TRPV2: variants seen among roughly 807,000 people sequenced by gnomAD.
TRPV2 encodes OTRPC2.
Under a neutral mutation model 91.0 loss-of-function variants are expected in TRPV2, and 58 were observed. The ratio of observed to expected loss-of-function variants is 0.64; its 90% CI spans 0.52 to 0.79. TRPV2 has a LOEUF of 0.79. Ranked by LOEUF, TRPV2 falls within the 30% of genes least tolerant of loss-of-function variation. The pLI, the probability that TRPV2 is intolerant of heterozygous loss-of-function variation, is 0.00. For synonymous variants in TRPV2, 417 were observed against 414.8 expected, an observed-to-expected ratio of 1.01 and a Z score of -0.06; for missense variants, 807 against 969.6, an observed-to-expected ratio of 0.83 and a Z score of 2.23.
At position 16,435,729 on chromosome 17, in the gene TRPV2, C is replaced by A. The variant is rs9915995; in HGVS notation, c.2194+760C>A. 6.6e-6 allele frequency among the ~76,000 whole-genome samples: 1 copy of A among 152,172 alleles called. No individual in the cohort carries two copies. The highest frequency in any genetic ancestry group is 1.5e-5 in the Non-Finnish European group (1 of 68,022). On this transcript the variant is annotated intron_variant, in intron 14 of 14. Coordinates refer to ENST00000338560, the MANE Select transcript of TRPV2 (RefSeq NM_016113.5). This position sits in a 1 kb window ranked among gnomAD's most constrained non-coding sequence, Gnocchi z 4.2. ...TCACTTGCTTGTGCCTGTTGCCCCC[C>A]ACAATAGCCTCCTGAGTCTCCCATG...
chr17:16,427,281 T>A (rs1600976979), intron 7 of TRPV2, among the ~76,000 whole-genome samples, 168 bp from the exon 8 acceptor site: 1 of 152,078 alleles, frequency 6.6e-6, no homozygotes, highest in Admixed American at 6.5e-5. Flanking sequence ...TGCTACACAA[T>A]GTGCCTCTCA....
intron 12 of TRPV2, 60 bp from the exon 13 acceptor site, chr17:16,433,514 G>A (rs7213055): frequency 0.36 from 573,264 of 1,593,506 alleles, 105,344 homozygotes; most frequent in Non-Finnish European, 0.37. Flanking sequence ...CTTGCCTTGT[G>A]TGCCTTTGCC....
At chr17:16,432,439 CT>C (rs5819571) in intron 12 of TRPV2, 139 bp downstream of exon 12, 12,144 of 531,994 alleles carry the variant, frequency 0.023, 44 homozygotes, top group African/African-American at 0.058. Context: ...CTTCCTCTTC[CT>C]TTTTTTTTTT....
chr17:16,431,277 A>ATATATATATATG (rs1555883010), intron 10 of TRPV2, among the ~76,000 whole-genome samples: 4 of 75,748 alleles, frequency 5.3e-5, no homozygotes, highest in African/African-American at 2.4e-4. Context: ...ATATATATAT[A>ATATATATATATG]TATATATATA....
At chr17:16,429,035 G>A in intron 10 of TRPV2, 53 bp downstream of exon 10, 2 of 1,592,302 alleles carry the variant, frequency 1.3e-6, no homozygotes, top group Non-Finnish European at 1.7e-6. Flanking sequence ...CAGGCAAGAA[G>A]AGCCTTCCTC....
rs769135234 is a variant in TRPV2, at chr17:16,432,175, G to GTGC, written c.1879_1881dup (p.Leu627dup). Reference sequence around the variant, plus strand: ...GGAGCAGCTGCACTTCCGCGGCATGGTGCTGCTGCTGCTGCTGGCCTACGT... The same window carrying GTGC: ...GGAGCAGCTGCACTTCCGCGGCATGGTGCTGCTGCTGCTGCTGCTGGCCTACGT... On this transcript the variant is annotated inframe_insertion, in exon 12 of 15. Transcript: ENST00000338560. 20 of 1,613,226 alleles carry GTGC rather than the reference G, an allele frequency of 1.2e-5. No individual in the cohort carries two copies. Among genetic ancestry groups the GTGC allele is most frequent in the Non-Finnish European group, 1.7e-5 (20 of 1,179,418 alleles).
intron 2 of TRPV2, among the ~76,000 whole-genome samples, chr17:16,418,512 C>G (rs2093341798): frequency 6.6e-6 from 1 of 152,134 alleles, no homozygotes; most frequent in African/African-American, 2.4e-5. Flanking sequence ...AGGCTAGACT[C>G]TGCCACAGAA....
intron 2 of TRPV2, among the ~76,000 whole-genome samples, chr17:16,418,233 T>A (rs1223497102): frequency 6.6e-6 from 1 of 152,214 alleles, no homozygotes; most frequent in African/African-American, 2.4e-5. Context: ...CCAGTGAGAA[T>A]CAAGGACATC....
rs1396201228 is a variant in TRPV2 at position 16,433,527 on chromosome 17, C to G, written c.1990-47C>G. 3.7e-6 allele frequency: 6 copies of G among 1,603,332 alleles called. No homozygotes were observed. In the East Asian group the frequency reaches 6.7e-5, roughly 18 times the overall value. On this transcript the variant is annotated intron_variant, in intron 12 of 14. Coordinates refer to ENST00000338560, the MANE Select transcript of TRPV2 (RefSeq NM_016113.5). ...CGCTTGCCTTGTGTGCCTTTGCCCCCAGGCAGGGTCCCAGGACGTTCTGTC... is the reference window on the plus strand; with the variant it reads ...CGCTTGCCTTGTGTGCCTTTGCCCCGAGGCAGGGTCCCAGGACGTTCTGTC...
In TRPV2 at chr17:16,426,251, C is replaced by A. The variant is rs776208126; in HGVS notation, c.1077C>A (p.Ala359=). The change falls in exon 6 of 15, where the codon GCC becomes GCA. Residue 359 remains alanine, a synonymous_variant. Transcript: ENST00000338560. This position sits in a 1 kb window ranked among gnomAD's most constrained non-coding sequence, Gnocchi z 6.0. ...AGAACTCAGTGCTGGAGATCATTGC[C>A]TTTCATTGCAAGAGCCCGGTGAGCC... is the stretch of plus-strand genomic sequence containing the variant. The part of the protein sequence containing the change: ...CEENSVLEII[A]FHCKSPHRHR... 1 of 1,614,160 alleles carries A rather than the reference C, an allele frequency of 6.2e-7. No homozygotes were observed. Among genetic ancestry groups the A allele is most frequent in the Non-Finnish European group, 8.5e-7 (1 of 1,180,018 alleles).
chr17:16,422,505 G>T, intron 3 of TRPV2, 94 bp from the exon 4 acceptor site: 7 of 1,285,034 alleles, frequency 5.4e-6, no homozygotes, highest in Non-Finnish European at 7.6e-6. Flanking sequence ...CCTCCCAAGG[G>T]GTACTTTGAG....
rs536330913 is a variant in TRPV2, at chr17:16,427,321, G to C, written c.1252-128G>C. Reference sequence around the variant, plus strand: ...CCAGGGGTCCTTCCCTGGAGCCCATGTTCCCATGCCGTTCTGAGGAGCCTC... The same window carrying C: ...CCAGGGGTCCTTCCCTGGAGCCCATCTTCCCATGCCGTTCTGAGGAGCCTC... On this transcript the variant is annotated intron_variant, in intron 7 of 14. Coordinates refer to ENST00000338560, the MANE Select transcript of TRPV2 (RefSeq NM_016113.5). 2.5e-5 allele frequency: 20 copies of C among 807,504 alleles called. No homozygotes were observed. The African/African-American group carries it at 3.3e-4, about 13-fold the overall frequency. 50.0% of individuals were successfully genotyped at this position (807,504 alleles called of 1,614,324 possible). A position where few individuals can be genotyped will look rare whatever the true frequency, so the allele number is the denominator to read the frequency against.
chr17:16,433,759 C>G (rs2093423725), intron 13 of TRPV2, 61 bp downstream of exon 13: 1 of 1,592,906 alleles, frequency 6.3e-7, no homozygotes, highest in African/African-American at 1.3e-5. Context: ...CTGGGGCCCC[C>G]CTGCAGTGCA....
At chr17:16,432,853 TG>T (rs2093419865) in intron 12 of TRPV2, among the ~76,000 whole-genome samples, 1 of 151,566 alleles carries the variant, frequency 6.6e-6, no homozygotes, top group African/African-American at 2.4e-5. Flanking sequence ...TTGCCCGGGC[TG>T]GAGTGCAATG....
intron 14 of TRPV2, among the ~76,000 whole-genome samples, chr17:16,436,154 T>A (rs1215220485): frequency 1.3e-5 from 2 of 152,010 alleles, no homozygotes; most frequent in Non-Finnish European, 2.9e-5. Context: ...AGGCGGCCAC[T>A]CATCCCTCTG....
chr17:16,417,471 TG>T, intron 1 of TRPV2, 90 bp from the exon 2 acceptor site: 4 of 544,346 alleles, frequency 7.3e-6, no homozygotes, highest in Non-Finnish European at 1.3e-5. Flanking sequence ...CTCTAACAGC[TG>T]ACCAGCCAGC....
At position 16,432,126 on chromosome 17, in the gene TRPV2, C is replaced by T. The variant is rs554580254; in HGVS notation, c.1815C>T (p.Ile605=). The change falls in exon 12 of 15, where the codon ATC becomes ATT. Residue 605 remains isoleucine, a synonymous_variant. Transcript: ENST00000338560. Reference sequence around the variant, plus strand: ...CCTTGGAGCTCTTCAAATTCACCATCGGCATGGGCGAGCTGGCCTTCCAGG... The same window carrying T: ...CCTTGGAGCTCTTCAAATTCACCATTGGCATGGGCGAGCTGGCCTTCCAGG... ...EASLELFKFT[I]GMGELAFQEQ... The T allele has an allele frequency of 4.1e-5, 66 of 1,614,122 alleles. No individual in the cohort carries two copies. Among genetic ancestry groups the T allele is most frequent in the Non-Finnish European group, 5.2e-5 (61 of 1,180,054 alleles).
intron 14 of TRPV2, among the ~76,000 whole-genome samples, chr17:16,436,155 C>T (rs1471426697): frequency 5.9e-5 from 9 of 152,170 alleles, no homozygotes; most frequent in Non-Finnish European, 1.2e-4. Flanking sequence ...GGCGGCCACT[C>T]ATCCCTCTGC....
chr17:16,421,911 A>G (rs939468467), intron 3 of TRPV2, among the ~76,000 whole-genome samples: 5 of 152,242 alleles, frequency 3.3e-5, no homozygotes, highest in South Asian at 2.1e-4. Context: ...GTGACTTGCC[A>G]GAGGAGATAG....
Sources: gnomAD v4.1 joint callset for allele counts (sites outside exome capture counted in the v4.1 genomes callset) on GRCh38, gnomAD v4.1.1 for gene constraint, Gnocchi (gnomAD v3.1) non-coding constraint, MANE v1.5 for transcripts, NCBI Gene and HGNC (gene_info 2026-07-23, HGNC 2026-07-21) for gene names.